The following OXR1 variants were observed in gnomAD, a reference collection of about 807,000 sequenced individuals.
The protein encoded by OXR1 is oxidation resistance protein 1.
Under a neutral mutation model 104.6 loss-of-function variants are expected in OXR1, and 41 were observed. The ratio of observed to expected loss-of-function variants is 0.39; its 90% confidence interval spans 0.31 to 0.51. OXR1 has a LOEUF of 0.51. Ranked by LOEUF, OXR1 falls within the 20% of genes least tolerant of loss-of-function variation. OXR1 has a pLI of 0.77. For synonymous variants in OXR1, 348 were observed against 348.4 expected, an observed-to-expected ratio of 1.00 and a Z score of 0.01; for missense variants, 955 against 1,031.9, an observed-to-expected ratio of 0.93 and a Z score of 1.02.
Position 106,612,652 on chromosome 8 carries a change from G to A in OXR1, c.221-66558G>A, listed in dbSNP as rs185359910. 4.6e-5 allele frequency among the ~76,000 whole-genome samples: 7 copies of A among 152,226 alleles called. No homozygotes were observed. In the East Asian group the frequency reaches 1.4e-3, roughly 29 times the overall value. ...AATGCATTTCTATATGTTTAGGACT[G>A]TATTAACATTGTTTATTTTGACAGA... On this transcript the variant is annotated intron_variant, in intron 3 of 16. Transcript: ENST00000517566.
At chr8:106,361,986 T>G (rs533117355) in intron 2 of OXR1, among the ~76,000 whole-genome samples, 1 of 152,320 alleles carries the variant, frequency 6.6e-6, no homozygotes, top group South Asian at 2.1e-4. Context: ...GAGAGCTACA[T>G]GCTTCCAGTG....
chr8:106,351,123 T>A (rs1225845685), intron 1 of OXR1, among the ~76,000 whole-genome samples: 1 of 152,238 alleles, frequency 6.6e-6, no homozygotes, highest in Admixed American at 6.5e-5. Flanking sequence ...AAAGAGAGAC[T>A]GCTGTTAGTT....
At chr8:106,655,335 A>G (rs1025555652) in intron 3 of OXR1, among the ~76,000 whole-genome samples, 4 of 151,990 alleles carry the variant, frequency 2.6e-5, no homozygotes, top group African/African-American at 9.7e-5. Context: ...GGCAAAAGGT[A>G]GCGTGAAAAA....
chr8:106,695,479 C>G (rs563038188), intron 7 of OXR1, among the ~76,000 whole-genome samples: 11 of 151,260 alleles, frequency 7.3e-5, no homozygotes, highest in African/African-American at 2.4e-4. Flanking sequence ...GTGCGGTGGC[C>G]TGATCTCAGC....
At chr8:106,382,283 A>C (rs1446542301) in intron 2 of OXR1, among the ~76,000 whole-genome samples, 2 of 151,998 alleles carry the variant, frequency 1.3e-5, no homozygotes, top group African/African-American at 4.8e-5. Context: ...GTTAGTTTGG[A>C]GTTGAACTTT....
chr8:106,697,738 T>C, intron 7 of OXR1: 4 of 1,613,948 alleles, frequency 2.5e-6, no homozygotes, highest in Non-Finnish European at 3.4e-6. Flanking sequence ...CTGAGAGATC[T>C]TCTCCATCTG....
At chr8:106,288,178 G>A (rs907365151) in intron 1 of OXR1, among the ~76,000 whole-genome samples, 1 of 152,200 alleles carries the variant, frequency 6.6e-6, no homozygotes, top group African/African-American at 2.4e-5. Flanking sequence ...GTACTGGCAG[G>A]TGAAGTGTAT....
At chr8:106,372,965 T>C (rs1322437770) in intron 2 of OXR1, among the ~76,000 whole-genome samples, 1 of 152,216 alleles carries the variant, frequency 6.6e-6, no homozygotes, top group African/African-American at 2.4e-5. Flanking sequence ...TCCATATTCA[T>C]AGATTCAACC....
At chr8:106,347,110 G>T (rs544273999) in intron 1 of OXR1, among the ~76,000 whole-genome samples, 2 of 152,216 alleles carry the variant, frequency 1.3e-5, no homozygotes, top group Non-Finnish European at 2.9e-5. Flanking sequence ...CCGTGTCTGT[G>T]GAGTGAAAGC....
chr8:106,578,293 A>G (rs539026047), intron 3 of OXR1, among the ~76,000 whole-genome samples: 1 of 152,060 alleles, frequency 6.6e-6, no homozygotes, highest in Non-Finnish European at 1.5e-5. Context: ...TTTCTTTGTG[A>G]TAACTTAGTG....
chr8:106,460,900 A>C (rs191174786), intron 2 of OXR1, among the ~76,000 whole-genome samples: 65 of 152,142 alleles, frequency 4.3e-4, no homozygotes, highest in Non-Finnish European at 8.5e-4. Context: ...TCTATATTAG[A>C]AGTTATATAT....
chr8:106,702,857 T>G (rs897103679), intron 7 of OXR1, 49 bp from the exon 8 acceptor site: 4 of 1,385,620 alleles, frequency 2.9e-6, no homozygotes, highest in Non-Finnish European at 4.0e-6. Flanking sequence ...AGATAATTTT[T>G]GAAGTATCAA....
Position 106,377,819 on chromosome 8 carries a change from A to C in OXR1, c.23+18183A>C, listed in dbSNP as rs1816971105. 2.0e-5 allele frequency among the ~76,000 whole-genome samples: 3 copies of C among 152,204 alleles called. No homozygotes were observed. The East Asian group carries it at 5.8e-4, about 29-fold the overall frequency. ...ATTGCTTTAACCCTTAATCAGTTACATGATTTCTATACCCTTTAACTTTAC... is the reference window on the plus strand; with the variant it reads ...ATTGCTTTAACCCTTAATCAGTTACCTGATTTCTATACCCTTTAACTTTAC... On this transcript the variant is annotated intron_variant, in intron 2 of 16. Coordinates refer to ENST00000517566, the MANE Select transcript of OXR1 (RefSeq NM_001198533.2).
At chr8:106,376,440 A>G (rs1954756) in intron 2 of OXR1, among the ~76,000 whole-genome samples, 35,834 of 152,140 alleles carry the variant, frequency 0.24, 5,864 homozygotes, top group African/African-American at 0.47. Context: ...AGACAGGGTT[A>G]CAAAGCCTGA....
intron 2 of OXR1, among the ~76,000 whole-genome samples, chr8:106,484,200 G>A (rs1379161626): frequency 6.6e-6 from 1 of 151,716 alleles, no homozygotes; most frequent in Non-Finnish European, 1.5e-5. Context: ...CTTTATCCAA[G>A]ATATGCAAAA....
chr8:106,708,924 C>T (rs1201991508), intron 9 of OXR1, among the ~76,000 whole-genome samples: 1 of 151,856 alleles, frequency 6.6e-6, no homozygotes, highest in Non-Finnish European at 1.5e-5. Context: ...TTTAAAATAC[C>T]GAATTTTCTT....
intron 3 of OXR1, among the ~76,000 whole-genome samples, chr8:106,576,817 A>T (rs563355335): frequency 6.6e-6 from 1 of 152,286 alleles, no homozygotes; most frequent in African/African-American, 2.4e-5. Context: ...TAAATACTGA[A>T]AACACTATAG....
intron 2 of OXR1, among the ~76,000 whole-genome samples, chr8:106,467,194 C>T (rs1821218560): frequency 6.6e-6 from 1 of 151,860 alleles, no homozygotes; most frequent in South Asian, 2.1e-4. Context: ...AGCTGAAATC[C>T]ACTTTTCACT....
rs74689358 is a variant in OXR1 at position 106,518,809 on chromosome 8, G to A, written c.24-134G>A. On this transcript the variant is annotated intron_variant, in intron 2 of 16. Coordinates refer to ENST00000517566, the MANE Select transcript of OXR1 (RefSeq NM_001198533.2). ...TTTTTCTTAAAATACTGTAGGGAAT[G>A]TCTATCATTTCTGAATAGATGTGGT... The A allele has an allele frequency of 6.4e-3, 3,368 of 525,136 alleles. 19 individuals are homozygous for A. Among genetic ancestry groups the A allele is most frequent in the Admixed American group, 9.2e-3 (246 of 26,754 alleles). The allele number at this position is 525,136 out of a possible 1,614,324, so 32.5% of individuals were successfully genotyped here.
Sources: allele counts gnomAD v4.1 joint callset (sites outside exome capture counted in the v4.1 genomes callset), GRCh38; gene constraint gnomAD v4.1.1; transcripts MANE v1.5; gene names NCBI Gene and HGNC (gene_info 2026-07-23, HGNC 2026-07-21).